The following SETD2 variants were observed in gnomAD, a reference collection of about 807,000 sequenced individuals.
SETD2 encodes the protein SET domain containing 2, histone lysine methyltransferase, also known as histone-lysine N-methyltransferase SETD2.
SETD2 carries 31 observed loss-of-function variants against 242.1 expected under a neutral mutation model. The observed-to-expected ratio is 0.13, with a 90% confidence interval of 0.10 to 0.17. SETD2 has a LOEUF of 0.17. SETD2 is among the 10% of genes least tolerant of loss of function. The pLI is 1.00. For missense variants in SETD2, 2,481 were observed against 3,046.3 expected (o/e 0.81, Z 4.37); for synonymous variants, 1,006 against 1,066.5 (o/e 0.94, Z 1.11).
chr3:47,029,811 TA>T (rs1240295496), intron 18 of SETD2, among the ~76,000 whole-genome samples: 1 of 152,196 alleles, frequency 6.6e-6, no homozygotes, highest in Non-Finnish European at 1.5e-5. Context: ...AACATATTCC[TA>T]AAAATAGCAT....
chr3:47,075,683 T>C (rs1559693587), intron 12 of SETD2, among the ~76,000 whole-genome samples: 1 of 150,590 alleles, frequency 6.6e-6, no homozygotes, highest in Admixed American at 6.6e-5. Flanking sequence ...GAAAAGTGAG[T>C]GGAAGAAGGC....
intron 3 of SETD2, 116 bp from the exon 4 acceptor site, chr3:47,116,870 G>A: frequency 2.9e-6 from 2 of 690,632 alleles, no homozygotes; most frequent in Non-Finnish European, 2.3e-6. Context: ...TTTAAACAGG[G>A]TCTTGTTCTG....
chr3:47,025,689 A>G (rs973865350), intron 18 of SETD2, among the ~76,000 whole-genome samples: 1 of 152,212 alleles, frequency 6.6e-6, no homozygotes, highest in Admixed American at 6.5e-5. Flanking sequence ...TCTACCTAGC[A>G]TACTCAGTCC....
intron 1 of SETD2, among the ~76,000 whole-genome samples, chr3:47,136,938 A>G (rs2043601345): frequency 6.6e-6 from 1 of 152,124 alleles, no homozygotes; most frequent in Non-Finnish European, 1.5e-5. Context: ...TGGGCAACAG[A>G]GCAAGAATCC....
chr3:47,074,523 T>C (rs1418349355), intron 12 of SETD2, among the ~76,000 whole-genome samples: 1 of 152,212 alleles, frequency 6.6e-6, no homozygotes, highest in East Asian at 1.9e-4. Flanking sequence ...GTAAATGTTG[T>C]TCTTCAGTAA....
Position 47,123,252 on chromosome 3 carries a change from C to T in SETD2, c.1384G>A (p.Glu462Lys), listed in dbSNP as rs2106699205. 1 of 1,554,228 alleles carries T rather than the reference C, an allele frequency of 6.4e-7. No homozygotes were observed. Among genetic ancestry groups the T allele is most frequent in the African/African-American group, 1.4e-5 (1 of 73,188 alleles). Residue 462 changes from glutamate (E) to lysine (K), a missense_variant, in exon 3 of 21, where the codon GAA becomes AAA. Transcript: ENST00000409792. Reference protein sequence around the residue: ...DNRARESSDSEEEYKKTYSRR... With the variant: ...DNRARESSDSKEEYKKTYSRR... ...GAGTATGTCTTCTTATACTCTTCTT[C>T]TGAGTCAGAACTCTCTCGTGCTCTG...
chr3:47,163,098 C>T (rs1471179563), intron 1 of SETD2, among the ~76,000 whole-genome samples: 2 of 152,198 alleles, frequency 1.3e-5, no homozygotes, highest in African/African-American at 4.8e-5. Flanking sequence ...GTGAAAATCT[C>T]ACAACCTGCA....
chr3:47,019,865 T>A, intron 18 of SETD2, 25 bp from the exon 19 acceptor site: 1 of 1,600,964 alleles, frequency 6.2e-7, no homozygotes. Context: ...GAAAACACAG[T>A]GGTGCTGGCA....
At chr3:47,107,730 T>A (rs1025875472) in intron 5 of SETD2, among the ~76,000 whole-genome samples, 1 of 28,946 alleles carries the variant, frequency 3.5e-5, no homozygotes. Context: ...CGGGGGGGGG[T>A]GGGGGGGGGG....
At chr3:47,049,345 A>ATGTATTCT (rs1553682175) in intron 15 of SETD2, among the ~76,000 whole-genome samples, 7 of 111,170 alleles carry the variant, frequency 6.3e-5, no homozygotes, top group African/African-American at 2.6e-4. Context: ...ATATATATAT[A>ATGTATTCT]TATGTATTCT....
intron 1 of SETD2, among the ~76,000 whole-genome samples, chr3:47,131,325 TCA>T (rs2043469407): frequency 3.9e-5 from 6 of 152,162 alleles, no homozygotes; most frequent in Non-Finnish European, 7.4e-5. Flanking sequence ...AGCTTTTAGC[TCA>T]TTTTTAGTAC....
At chr3:47,112,292 G>GT (rs1305998162) in intron 5 of SETD2, among the ~76,000 whole-genome samples, 1 of 150,978 alleles carries the variant, frequency 6.6e-6, no homozygotes, top group Admixed American at 6.6e-5. Context: ...TTTTTGTTTT[G>GT]TTTTTTGAGA....
chr3:47,146,015 C>CAAA (rs1171574770), intron 1 of SETD2, among the ~76,000 whole-genome samples: 21,269 of 38,656 alleles, frequency 0.55, 6,928 homozygotes, highest in Non-Finnish European at 0.64. Flanking sequence ...GACCCTGTCT[C>CAAA]AAAAAAAAAA....
At chr3:47,131,457 C>T (rs1346960241) in intron 1 of SETD2, among the ~76,000 whole-genome samples, 1 of 152,118 alleles carries the variant, frequency 6.6e-6, no homozygotes, top group African/African-American at 2.4e-5. Flanking sequence ...CATTCTCCTG[C>T]CTCAGCCTCC....
intron 15 of SETD2, among the ~76,000 whole-genome samples, chr3:47,049,530 A>G (rs1435718323): frequency 1.4e-5 from 2 of 146,382 alleles, no homozygotes; most frequent in African/African-American, 4.9e-5. Flanking sequence ...CCACCACCAC[A>G]CCTGGCTAAT....
In SETD2 at chr3:47,120,483, C is replaced by T. The variant is rs912983850; in HGVS notation, c.4153G>A (p.Glu1385Lys). ...NSIKDTLAVN[E>K]KKDFSKNLEK... The stretch of plus-strand genomic sequence containing the variant: ...AAGTTTTTTGAAAAATCTTTCTTTT[C>T]ATTCACAGCTAAAGTGTCCTTAATG... Residue 1385 changes from glutamate (E) to lysine (K), a missense_variant, in exon 3 of 21, where the codon GAA becomes AAA. Coordinates refer to ENST00000409792, the MANE Select transcript of SETD2 (RefSeq NM_014159.7). 6.2e-7 allele frequency: 1 copy of T among 1,613,584 alleles called. No individual in the cohort carries two copies. Among genetic ancestry groups the T allele is most frequent in the Non-Finnish European group, 8.5e-7 (1 of 1,179,924 alleles).
At chr3:47,152,645 T>C (rs1040478116) in intron 1 of SETD2, among the ~76,000 whole-genome samples, 1 of 152,138 alleles carries the variant, frequency 6.6e-6, no homozygotes, top group Non-Finnish European at 1.5e-5. Flanking sequence ...AGACCACGGA[T>C]TCACAAAGAG....
chr3:47,026,114 A>G (rs1247873312), intron 18 of SETD2, among the ~76,000 whole-genome samples: 1 of 152,228 alleles, frequency 6.6e-6, no homozygotes, highest in Non-Finnish European at 1.5e-5. Context: ...TACAAGAAAA[A>G]AACAAACAAC....
At chr3:47,107,460 T>TG (rs1168163856) in intron 5 of SETD2, among the ~76,000 whole-genome samples, 1 of 150,844 alleles carries the variant, frequency 6.6e-6, no homozygotes, top group Admixed American at 6.6e-5. Flanking sequence ...TTATAGTGGA[T>TG]GTATATATAT....
Sources: allele counts gnomAD v4.1 joint callset (sites outside exome capture counted in the v4.1 genomes callset), GRCh38; gene constraint gnomAD v4.1.1; transcripts MANE v1.5; gene names NCBI Gene and HGNC (gene_info 2026-07-23, HGNC 2026-07-21).